PPHLN1: variants seen among roughly 807,000 people sequenced by gnomAD.
PPHLN1 encodes periphilin 1, also known as periphilin-1.
A neutral mutation model predicts 51.3 loss-of-function variants in PPHLN1; 29 were observed. That is an observed-to-expected ratio of 0.57 (90% CI 0.42 to 0.77). The LOEUF is 0.77. Ranked by LOEUF, PPHLN1 falls within the 30% of genes least tolerant of loss-of-function variation. The probability of loss-of-function intolerance (pLI) is 0.00; values close to 1 mark genes in which losing one functional copy is unlikely to be tolerated. For synonymous variants in PPHLN1, 147 were observed against 147.8 expected (o/e 0.99, Z 0.04); for missense variants, 436 against 438.4 (o/e 0.99, Z 0.05).
chr12:42,414,811 A>G (rs1429011676), intron 9 of PPHLN1, among the ~76,000 whole-genome samples: 1 of 152,158 alleles, frequency 6.6e-6, no homozygotes, highest in Non-Finnish European at 1.5e-5. Context: ...TACTCCATTG[A>G]ATTCTTAACG....
intron 9 of PPHLN1, among the ~76,000 whole-genome samples, chr12:42,422,073 C>G (rs1033331751): frequency 6.6e-6 from 1 of 152,100 alleles, no homozygotes; most frequent in African/African-American, 2.4e-5. Context: ...TAAGAGTGCA[C>G]AGGGTCAGAT....
intron 5 of PPHLN1, among the ~76,000 whole-genome samples, chr12:42,376,960 A>AT (rs1235511625): frequency 1.3e-5 from 2 of 152,198 alleles, no homozygotes; most frequent in South Asian, 2.1e-4. Context: ...TCCCTACCAC[A>AT]TAAAAAAAAC....
chr12:42,385,089 C>A, intron 6 of PPHLN1, 93 bp downstream of exon 6: 2 of 1,283,800 alleles, frequency 1.6e-6, no homozygotes. Flanking sequence ...TGTATAACTG[C>A]TCCATTAGTC....
intron 4 of PPHLN1, among the ~76,000 whole-genome samples, chr12:42,360,886 A>G (rs1054105900): frequency 7.2e-5 from 11 of 152,118 alleles, no homozygotes; most frequent in Admixed American, 5.9e-4. Flanking sequence ...GGAGTCTGCA[A>G]AGTTTCTTTA....
chr12:42,335,760 A>ATTT, intron 1 of PPHLN1, 123 bp from the exon 2 acceptor site: 1 of 316,772 alleles, frequency 3.2e-6, no homozygotes. Flanking sequence ...GGTCACTTTC[A>ATTT]TTTTTTTTTT....
downstream of PPHLN1, chr12:42,446,114 C>T (rs1419021653): frequency 1.3e-6 from 2 of 1,558,328 alleles, no homozygotes; most frequent in Non-Finnish European, 1.7e-6. Flanking sequence ...CCGGAAGAAA[C>T]GGGTTCGTCG....
chr12:42,435,212 A>G (rs575756297), intron 9 of PPHLN1, among the ~76,000 whole-genome samples: 11 of 152,332 alleles, frequency 7.2e-5, no homozygotes, highest in African/African-American at 2.6e-4. Context: ...ATTGGTCTGT[A>G]TTTGTGTATG....
At chr12:42,339,418 G>A (rs549383707) in intron 2 of PPHLN1, among the ~76,000 whole-genome samples, 2 of 151,802 alleles carry the variant, frequency 1.3e-5, no homozygotes, top group African/African-American at 4.8e-5. Flanking sequence ...GTAATTTAAA[G>A]CCTTCTCTTT....
At chr12:42,361,625 G>C (rs1277063117) in intron 4 of PPHLN1, 2 of 152,128 alleles carry the variant, frequency 1.3e-5, no homozygotes, top group East Asian at 1.9e-4. Context: ...TTCTGTGGTT[G>C]GTTGGTTGGT....
intron 2 of PPHLN1, among the ~76,000 whole-genome samples, chr12:42,340,274 C>T (rs543117351): frequency 5.8e-4 from 81 of 140,040 alleles, no homozygotes; most frequent in South Asian, 2.2e-3. Context: ...TGTGCCACTG[C>T]GTTGAAGCCT....
At chr12:42,434,470 C>T (rs1274196201) in intron 9 of PPHLN1, among the ~76,000 whole-genome samples, 3 of 152,208 alleles carry the variant, frequency 2.0e-5, no homozygotes, top group African/African-American at 4.8e-5. Flanking sequence ...TAAGAACCCT[C>T]AGTTTATAGT....
At chr12:42,399,064 A>G in intron 9 of PPHLN1, 70 bp downstream of exon 9, 1 of 1,545,168 alleles carries the variant, frequency 6.5e-7, no homozygotes, top group Non-Finnish European at 8.8e-7. Context: ...ACATTTATTG[A>G]ATAAATATGC....
At chr12:42,412,082 A>G (rs769597410) in intron 9 of PPHLN1, among the ~76,000 whole-genome samples, 7 of 151,874 alleles carry the variant, frequency 4.6e-5, no homozygotes, top group African/African-American at 7.3e-5. Context: ...GCACGCATCT[A>G]TAGTCCCAGC....
chr12:42,423,103 C>A (rs540681916), intron 9 of PPHLN1, among the ~76,000 whole-genome samples: 1 of 152,100 alleles, frequency 6.6e-6, no homozygotes, highest in Non-Finnish European at 1.5e-5. Flanking sequence ...TTGGAAGGAA[C>A]TTAATATCAT....
At chr12:42,331,707 G>A (rs1021487406) in intron 1 of PPHLN1, 11 of 152,206 alleles carry the variant, frequency 7.2e-5, no homozygotes, top group African/African-American at 2.7e-4. Flanking sequence ...TTCTAATTCT[G>A]TTCTTTGCCT....
chr12:42,399,074 C>A, intron 9 of PPHLN1, 80 bp downstream of exon 9: 1 of 1,519,770 alleles, frequency 6.6e-7, no homozygotes. Context: ...AATAAATATG[C>A]TTCATTTCTT....
At chr12:42,383,762 C>G (rs1456325209) in intron 5 of PPHLN1, among the ~76,000 whole-genome samples, 1 of 151,734 alleles carries the variant, frequency 6.6e-6, no homozygotes, top group Admixed American at 6.6e-5. Flanking sequence ...GGGTGGATCA[C>G]GAGGTTAGGA....
chr12:42,427,734 G>A (rs1464767206), intron 9 of PPHLN1, among the ~76,000 whole-genome samples: 1 of 152,136 alleles, frequency 6.6e-6, no homozygotes, highest in Non-Finnish European at 1.5e-5. Flanking sequence ...AAAAGCAAAT[G>A]CAATAAAGAC....
At chr12:42,416,969 T>C (rs1307646560) in intron 9 of PPHLN1, among the ~76,000 whole-genome samples, 2 of 152,208 alleles carry the variant, frequency 1.3e-5, no homozygotes, top group Admixed American at 6.5e-5. Flanking sequence ...GATGGGCTTG[T>C]GGATGAATTT....
Sources: allele counts gnomAD v4.1 joint callset (sites outside exome capture counted in the v4.1 genomes callset), GRCh38; gene constraint gnomAD v4.1.1; transcripts MANE v1.5; gene names NCBI Gene and HGNC (gene_info 2026-07-23, HGNC 2026-07-21).